Variants in SLC24A4 observed in about 807,000 individuals in gnomAD.
SLC24A4 encodes the protein solute carrier family 24 member 4, also known as sodium/potassium/calcium exchanger 4.
In SLC24A4, 53 loss-of-function variants were observed where a neutral mutation model predicts 79.0. That is an observed-to-expected ratio of 0.67 (90% CI 0.54 to 0.84). The LOEUF (loss-of-function observed/expected upper bound fraction) is 0.84, where lower values mean the gene tolerates loss of function less well. Among genes scored for constraint, SLC24A4 ranks in the 40% least tolerant of loss-of-function variants. SLC24A4 has a pLI of 0.00. For synonymous variants in SLC24A4, 323 were observed against 323.8 expected (o/e 1.00, Z 0.03); for missense variants, 731 against 822.0 (o/e 0.89, Z 1.35).
chr14:92,324,331 C>G (rs1884992785), intron 1 of SLC24A4, among the ~76,000 whole-genome samples: 1 of 152,220 alleles, frequency 6.6e-6, no homozygotes, highest in Non-Finnish European at 1.5e-5. Context: ...GCCCGCTTTC[C>G]TATTCTGCAG....
chr14:92,406,644 CAG>C (rs1890398545), intron 2 of SLC24A4, among the ~76,000 whole-genome samples: 3 of 152,232 alleles, frequency 2.0e-5, no homozygotes, highest in South Asian at 4.1e-4. Flanking sequence ...TCCTCTGAAA[CAG>C]GGGCTTGAGC....
intron 14 of SLC24A4, 73 bp downstream of exon 14, chr14:92,486,853 G>A (rs776871608): frequency 2.2e-5 from 24 of 1,076,970 alleles, no homozygotes; most frequent in Non-Finnish European, 3.2e-5. Flanking sequence ...CTGACTTACA[G>A]TTGACCAAGT....
In SLC24A4 at chr14:92,496,676, C is replaced by G. The variant is rs143138966; in HGVS notation, c.*3048C>G. 2 of 152,156 alleles carry G rather than the reference C, an allele frequency of 1.3e-5. No homozygotes were observed. The highest frequency in any genetic ancestry group is 1.3e-4 in the Admixed American group (2 of 15,268). 9.4% of individuals were successfully genotyped at this position (152,156 alleles called of 1,614,324 possible). Reference sequence around the variant, plus strand: ...ATGAGAGACTGGTGATTAAGGGCACCGTGGGCAGGACACAGTCCTCGCCTT... The same window carrying G: ...ATGAGAGACTGGTGATTAAGGGCACGGTGGGCAGGACACAGTCCTCGCCTT... On this transcript the variant is annotated 3_prime_UTR_variant, in exon 17 of 17. Transcript: ENST00000532405.
At chr14:92,456,299 C>G in intron 11 of SLC24A4, 105 bp from the exon 12 acceptor site, 1 of 1,154,676 alleles carries the variant, frequency 8.7e-7, no homozygotes, top group Non-Finnish European at 1.3e-6. Context: ...GGTTGTTGTT[C>G]TAGGCACCTG....
Position 92,442,787 on chromosome 14 carries a change from A to T in SLC24A4, c.553A>T (p.Ile185Phe). ...GSAVFNILCI[I>F]GVCGLFAGQV... The stretch of plus-strand genomic sequence containing the variant: ...TGCTGTGTTCAACATCCTGTGCATA[A>T]TTGGAGTGTGCGGACTGTTTGCTGG... Residue 185 changes from isoleucine (I) to phenylalanine (F), a missense_variant, in exon 6 of 17, where the codon ATT becomes TTT. Coordinates refer to ENST00000532405, the MANE Select transcript of SLC24A4 (RefSeq NM_153646.4). The T allele has an allele frequency of 6.2e-7, 1 of 1,614,040 alleles. No individual in the cohort carries two copies. Among genetic ancestry groups the T allele is most frequent in the Non-Finnish European group, 8.5e-7 (1 of 1,179,966 alleles).
chr14:92,381,081 G>A (rs1409767961), intron 2 of SLC24A4, among the ~76,000 whole-genome samples: 1 of 152,134 alleles, frequency 6.6e-6, no homozygotes, highest in African/African-American at 2.4e-5. Flanking sequence ...CCATTACTAG[G>A]TATATGCCAA....
chr14:92,376,469 G>A lies in SLC24A4; in HGVS notation c.241+50491G>A, dbSNP rs549134781. ...CCACGTCGGGGCAGCTGGGGGCAGC[G>A]TGGGAGACGACTGGCTTTTCTTTCC... On this transcript the variant is annotated intron_variant, in intron 2 of 16. Coordinates refer to ENST00000532405, the MANE Select transcript of SLC24A4 (RefSeq NM_153646.4). Among the ~76,000 whole-genome samples the A allele has an allele frequency of 8.5e-5, 13 of 152,390 alleles. No individual in the cohort carries two copies. The East Asian group carries it at 1.7e-3, about 20-fold the overall frequency.
chr14:92,464,985 G>A (rs1280486622), intron 12 of SLC24A4, among the ~76,000 whole-genome samples: 3 of 152,126 alleles, frequency 2.0e-5, no homozygotes, highest in Admixed American at 6.5e-5. Context: ...CCCCAGCACC[G>A]TGCCTGACAT....
At chr14:92,431,667 C>G (rs61977284) in intron 2 of SLC24A4, among the ~76,000 whole-genome samples, 85 of 152,308 alleles carry the variant, frequency 5.6e-4, no homozygotes, top group African/African-American at 2.0e-3. Flanking sequence ...ATGACTGATT[C>G]GTCACCGTAG....
At chr14:92,416,548 A>G (rs1403811929) in intron 2 of SLC24A4, among the ~76,000 whole-genome samples, 1 of 152,176 alleles carries the variant, frequency 6.6e-6, no homozygotes, top group Non-Finnish European at 1.5e-5. Flanking sequence ...GTGTTTTTGA[A>G]GAGAGGTGAT....
At chr14:92,445,464 GA>G (rs2139819638) in intron 8 of SLC24A4, 122 bp downstream of exon 8, 1 of 1,101,036 alleles carries the variant, frequency 9.1e-7, no homozygotes, top group African/African-American at 1.6e-5. Context: ...ATTAACTTGT[GA>G]AAGTGAAAAA....
chr14:92,454,043 A>T lies in SLC24A4; in HGVS notation c.1024A>T (p.Met342Leu). 6.2e-7 allele frequency: 1 copy of T among 1,613,282 alleles called. No homozygotes were observed. Among genetic ancestry groups the T allele is most frequent in the South Asian group, 1.1e-5 (1 of 90,848 alleles). The change falls in exon 11 of 17, where the codon ATG becomes TTG. Residue 342 changes from methionine to leucine, a missense_variant. Coordinates refer to ENST00000532405, the MANE Select transcript of SLC24A4 (RefSeq NM_153646.4). Reference protein sequence around the residue: ...NKFGPRTRLRMASRIIINERQ... With the variant: ...NKFGPRTRLRLASRIIINERQ... ...GTTTGGACCCAGGACCCGACTACGG[A>T]TGGCCAGCAGGATCATCATTAATGA...
intron 2 of SLC24A4, among the ~76,000 whole-genome samples, chr14:92,402,814 A>G (rs111373538): frequency 0.021 from 3,191 of 152,182 alleles, 139 homozygotes; most frequent in African/African-American, 0.07. Context: ...CTGTAATTCA[A>G]TCACCTCCCA....
intron 2 of SLC24A4, among the ~76,000 whole-genome samples, chr14:92,376,335 G>C (rs1490891355): frequency 1.3e-5 from 2 of 152,242 alleles, no homozygotes; most frequent in Non-Finnish European, 2.9e-5. Flanking sequence ...AACTCTAGTA[G>C]CCTCTTCTGC....
chr14:92,351,261 A>C (rs1886850505), intron 2 of SLC24A4, among the ~76,000 whole-genome samples: 2 of 133,074 alleles, frequency 1.5e-5, no homozygotes, highest in Non-Finnish European at 3.4e-5. Context: ...CACACACAAA[A>C]CACCCAATAC....
chr14:92,390,300 C>T (rs1190731568), intron 2 of SLC24A4, among the ~76,000 whole-genome samples: 3 of 151,932 alleles, frequency 2.0e-5, no homozygotes, highest in African/African-American at 2.4e-5. Flanking sequence ...TCGCCTGCAT[C>T]GAGCCTTCCC....
intron 2 of SLC24A4, among the ~76,000 whole-genome samples, chr14:92,339,071 C>T (rs1043621296): frequency 1.3e-5 from 2 of 152,134 alleles, no homozygotes; most frequent in Admixed American, 6.5e-5. Context: ...TCAGGACACC[C>T]GGAAGGAGTT....
intron 2 of SLC24A4, among the ~76,000 whole-genome samples, chr14:92,418,776 A>G (rs763279844): frequency 2.0e-5 from 3 of 152,134 alleles, no homozygotes; most frequent in Non-Finnish European, 4.4e-5. Context: ...ATCTCGGCTC[A>G]CTGCAACCTC....
At chr14:92,362,540 G>A (rs948954162) in intron 2 of SLC24A4, among the ~76,000 whole-genome samples, 1 of 152,184 alleles carries the variant, frequency 6.6e-6, no homozygotes, top group Non-Finnish European at 1.5e-5. Context: ...TGTCTGCTTG[G>A]CAGCTGACAC....
Sources: allele counts gnomAD v4.1 joint callset (sites outside exome capture counted in the v4.1 genomes callset), GRCh38; gene constraint gnomAD v4.1.1; transcripts MANE v1.5; gene names NCBI Gene and HGNC (gene_info 2026-07-23, HGNC 2026-07-21).